Variants in GLMN observed in about 807,000 individuals in gnomAD.
GLMN encodes glomulin.
A neutral mutation model predicts 87.8 loss-of-function variants in GLMN; 75 were observed. The ratio of observed to expected loss-of-function variants is 0.85; its 90% CI spans 0.71 to 1.04. The LOEUF (loss-of-function observed/expected upper bound fraction) is 1.04, where lower values mean the gene tolerates loss of function less well. Ranked by LOEUF, GLMN falls within the 50% of genes least tolerant of loss-of-function variation. The pLI, the probability that GLMN is intolerant of heterozygous loss-of-function variation, is 0.00. For synonymous variants in GLMN, 206 were observed against 221.6 expected, an observed-to-expected ratio of 0.93 and a Z score of 0.63; for missense variants, 588 against 658.8, an observed-to-expected ratio of 0.89 and a Z score of 1.18.
chr1:92,307,957 G>T, the GLMN span, among the ~76,000 whole-genome samples: 229 of 152,170 alleles, frequency 1.5e-3, no homozygotes, highest in African/African-American at 5.3e-3. Flanking sequence ...ATAAATTCAT[G>T]TTTGAAAGAG....
chr1:92,365,799 C>A, the GLMN span, among the ~76,000 whole-genome samples: 1 of 152,106 alleles, frequency 6.6e-6, no homozygotes, highest in Non-Finnish European at 1.5e-5. Flanking sequence ...CTACTCAGTT[C>A]TTAAAATGAA....
chr1:92,293,574 G>GCTAC (rs1163800078), intron 3 of GLMN, among the ~76,000 whole-genome samples: 1 of 151,918 alleles, frequency 6.6e-6, no homozygotes, highest in Non-Finnish European at 1.5e-5. Flanking sequence ...CAAAAATAGA[G>GCTAC]CTACCATATG....
the GLMN span, among the ~76,000 whole-genome samples, chr1:92,340,358 G>A: frequency 2.0e-5 from 3 of 152,176 alleles, no homozygotes; most frequent in Non-Finnish European, 4.4e-5. Context: ...CAGTTTGTAG[G>A]CTAGGGCTGC....
intron 16 of GLMN, among the ~76,000 whole-genome samples, chr1:92,258,311 TA>T (rs1654527809): frequency 6.6e-6 from 1 of 152,210 alleles, no homozygotes; most frequent in African/African-American, 2.4e-5. Flanking sequence ...GGTGGGAGTC[TA>T]AATTAGTTCA....
In GLMN at chr1:92,286,583, T is replaced by A; in HGVS notation, c.642A>T (p.Lys214Asn). ...CTGTCAGCAAAGGGCATTTCAAGCT[T>A]TTGAAACAACTAAGGCATAAGAAAT... is the stretch of plus-strand genomic sequence containing the variant. Reference protein sequence around the residue: ...LKDELLKFCFKSLKCPLLTAQ... With the variant: ...LKDELLKFCFNSLKCPLLTAQ... Residue 214 changes from lysine (K) to asparagine (N), a missense_variant, in exon 7 of 19, where the codon AAA becomes AAT. Coordinates refer to ENST00000370360, the MANE Select transcript of GLMN (RefSeq NM_053274.3). 6.4e-7 allele frequency: 1 copy of A among 1,570,104 alleles called. No individual in the cohort carries two copies. Among genetic ancestry groups the A allele is most frequent in the Non-Finnish European group, 8.8e-7 (1 of 1,140,412 alleles).
the GLMN span, chr1:92,336,356 G>A: frequency 3.1e-6 from 5 of 1,604,004 alleles, no homozygotes; most frequent in Non-Finnish European, 4.3e-6. Flanking sequence ...GGTTGCCTGG[G>A]CTTCTGGTTC....
chr1:92,329,757 A>G, the GLMN span, among the ~76,000 whole-genome samples: 1 of 152,174 alleles, frequency 6.6e-6, no homozygotes, highest in Admixed American at 6.5e-5. Context: ...TGATTGAGCT[A>G]TAATAGCCTT....
At chr1:92,366,425 A>G in the GLMN span, among the ~76,000 whole-genome samples, 5 of 152,224 alleles carry the variant, frequency 3.3e-5, no homozygotes, top group African/African-American at 9.6e-5. Flanking sequence ...AAGTACCACA[A>G]AGTAGTTACC....
chr1:92,326,509 G>A, the GLMN span, among the ~76,000 whole-genome samples: 2 of 152,142 alleles, frequency 1.3e-5, no homozygotes, highest in Non-Finnish European at 2.9e-5. Context: ...GCTGTGGGTA[G>A]GGCCGTAGAA....
At chr1:92,300,881 G>A (rs115340020), upstream of GLMN, among the ~76,000 whole-genome samples, 2,604 of 152,218 alleles carry the variant, frequency 0.017, 31 homozygotes, top group Non-Finnish European at 0.027. Context: ...TTGCCTAGTG[G>A]AACAGAGGAA....
chr1:92,266,695 C>T lies in GLMN; in HGVS notation c.1140+5G>A. The T allele has an allele frequency of 6.4e-7, 1 of 1,572,968 alleles. No homozygotes were observed. The highest frequency in any genetic ancestry group is 8.7e-7 in the Non-Finnish European group (1 of 1,143,914). ...TTATTCTTTAGTCACCAAATATTTA[C>T]ATACCAGTGTCTCAATGGGGCAAAG... On this transcript the variant is annotated splice_donor_5th_base_variant and intron_variant, in intron 12 of 18. Coordinates refer to ENST00000370360, the MANE Select transcript of GLMN (RefSeq NM_053274.3).
At chr1:92,248,859 C>T (rs1419607776) in intron 16 of GLMN, among the ~76,000 whole-genome samples, 1 of 152,016 alleles carries the variant, frequency 6.6e-6, no homozygotes, top group African/African-American at 2.4e-5. Flanking sequence ...TCTTATTTAT[C>T]CTATACTAAT....
the GLMN span, among the ~76,000 whole-genome samples, chr1:92,349,471 GA>G: frequency 5.3e-5 from 8 of 152,012 alleles, no homozygotes; most frequent in Admixed American, 1.3e-4. Flanking sequence ...GTTAAAGGGG[GA>G]AAAAAATCAA....
At chr1:92,292,403 T>C (rs1649508196) in intron 3 of GLMN, among the ~76,000 whole-genome samples, 1 of 151,738 alleles carries the variant, frequency 6.6e-6, no homozygotes, top group South Asian at 2.1e-4. Context: ...TAAAGTTAAA[T>C]ACATTCTTAT....
chr1:92,333,422 G>A, the GLMN span: 5 of 1,613,596 alleles, frequency 3.1e-6, no homozygotes, highest in Middle Eastern at 6.6e-4. Flanking sequence ...ATAGACTCAA[G>A]TTCCCAGAAC....
the GLMN span, among the ~76,000 whole-genome samples, chr1:92,338,782 T>G: frequency 6.6e-6 from 1 of 151,938 alleles, no homozygotes; most frequent in Non-Finnish European, 1.5e-5. Context: ...TTTTTAAGTT[T>G]TCTGTAGAGA....
At chr1:92,310,848 G>T in the GLMN span, among the ~76,000 whole-genome samples, 2 of 151,612 alleles carry the variant, frequency 1.3e-5, no homozygotes, top group South Asian at 2.1e-4. Context: ...AGTGAGCCGA[G>T]ATCACACCAT....
At chr1:92,367,923 C>T in the GLMN span, among the ~76,000 whole-genome samples, 52 of 152,304 alleles carry the variant, frequency 3.4e-4, no homozygotes, top group African/African-American at 1.3e-3. Context: ...AGAGTTATTA[C>T]TTCTGTCCAG....
the GLMN span, chr1:92,323,730 C>T: frequency 1.1e-5 from 17 of 1,614,098 alleles, no homozygotes; most frequent in African/African-American, 4.0e-5. Context: ...TAGTAGATGT[C>T]ACTGAGCAGT....
Sources: allele counts gnomAD v4.1 joint callset (sites outside exome capture counted in the v4.1 genomes callset), GRCh38; gene constraint gnomAD v4.1.1; transcripts MANE v1.5; gene names NCBI Gene and HGNC (gene_info 2026-07-23, HGNC 2026-07-21).